Variants in ATG10 observed in about 807,000 individuals in gnomAD.
The protein encoded by ATG10 is autophagy related 10.
ATG10 carries 30 observed loss-of-function variants against 32.1 expected under a neutral mutation model. The observed-to-expected ratio is 0.94, with a 90% CI of 0.70 to 1.27. The LOEUF is 1.27. Ranked by LOEUF, ATG10 falls within the 50% of genes most tolerant of loss-of-function variation. The pLI, the probability that ATG10 is intolerant of heterozygous loss-of-function variation, is 0.00. For synonymous variants in ATG10, 87 were observed against 91.5 expected, an observed-to-expected ratio of 0.95 and a Z score of 0.28; for missense variants, 233 against 262.3, an observed-to-expected ratio of 0.89 and a Z score of 0.77.
rs573508933 is a variant in ATG10 at position 82,007,257 on chromosome 5, A to G, written c.108+19579A>G. 2.2e-3 allele frequency among the ~76,000 whole-genome samples: 340 copies of G among 152,326 alleles called. 1 individual carries two copies. The highest frequency in any genetic ancestry group is 7.9e-3 in the African/African-American group (328 of 41,580). ...TGGAGTGAATTTCTATTAGATGATG[A>G]CTTCTTGAATTACATAGCCTCGTTC... On this transcript the variant is annotated intron_variant, in intron 2 of 7. Coordinates refer to ENST00000282185, the MANE Select transcript of ATG10 (RefSeq NM_031482.5).
intron 5 of ATG10, among the ~76,000 whole-genome samples, chr5:82,198,106 A>AT (rs1443924497): frequency 1.3e-5 from 2 of 152,090 alleles, no homozygotes; most frequent in African/African-American, 2.4e-5. Flanking sequence ...TTTCCTTGAG[A>AT]TTTTCATTTA....
chr5:82,237,010 T>C (rs1326152949), intron 5 of ATG10, among the ~76,000 whole-genome samples: 2 of 152,180 alleles, frequency 1.3e-5, no homozygotes, highest in African/African-American at 4.8e-5. Context: ...TTTTTTCCCC[T>C]TTTTTAAAAC....
In ATG10 at chr5:82,058,567, G is replaced by C; in HGVS notation, c.181G>C (p.Ala61Pro). The change falls in exon 3 of 8, where the codon GCA becomes CCA. Residue 61 changes from alanine to proline, a missense_variant. Physicochemically the swap from Ala to Pro is conservative, Grantham distance 27 (BLOSUM62 -1). Transcript: ENST00000282185. ...KNGSVMSHLG[A>P]STHGQTCLPM... ...TGGGTCTGTGATGTCACATCTAGGAGCATCTACCCATGGACAGACATGTCT... is the reference window on the plus strand; with the variant it reads ...TGGGTCTGTGATGTCACATCTAGGACCATCTACCCATGGACAGACATGTCT... 6.2e-7 allele frequency: 1 copy of C among 1,612,946 alleles called. No individual in the cohort carries two copies. Among genetic ancestry groups the C allele is most frequent in the South Asian group, 1.1e-5 (1 of 91,004 alleles).
In ATG10 at chr5:82,009,788, A is replaced by C; in HGVS notation, c.108+22110A>C. The C allele has an allele frequency of 3.1e-6, 5 of 1,607,482 alleles. No individual in the cohort carries two copies. In the South Asian group the frequency reaches 4.4e-5, roughly 14 times the overall value. The stretch of plus-strand genomic sequence containing the variant: ...GGGAGCCATTTGTGTTGGGTCCAGC[A>C]TTTGCCATGGACAAGATGCCAGGAC... On this transcript the variant is annotated intron_variant, in intron 2 of 7. Coordinates refer to ENST00000282185, the MANE Select transcript of ATG10 (RefSeq NM_031482.5).
intron 3 of ATG10, among the ~76,000 whole-genome samples, chr5:82,107,201 CTG>C (rs1327786556): frequency 6.6e-6 from 1 of 152,054 alleles, no homozygotes; most frequent in African/African-American, 2.4e-5. Context: ...AAAATTAAAA[CTG>C]TTTATACATA....
At chr5:82,060,807 G>A (rs1199234731) in intron 3 of ATG10, among the ~76,000 whole-genome samples, 1 of 151,900 alleles carries the variant, frequency 6.6e-6, no homozygotes, top group African/African-American at 2.4e-5. Context: ...GTTGCAGTGA[G>A]CTGAGATTAC....
chr5:82,019,447 G>A (rs537039485), intron 2 of ATG10, among the ~76,000 whole-genome samples: 3 of 152,156 alleles, frequency 2.0e-5, no homozygotes, highest in Non-Finnish European at 4.4e-5. Flanking sequence ...TCAAGCTGAA[G>A]ACAAAAGACT....
At chr5:81,996,605 G>A (rs1283292012) in intron 2 of ATG10, among the ~76,000 whole-genome samples, 1 of 152,182 alleles carries the variant, frequency 6.6e-6, no homozygotes, top group Non-Finnish European at 1.5e-5. Context: ...TCTAGTGGTT[G>A]CTTTTCAAAG....
At chr5:82,239,819 A>G (rs1472688810) in intron 5 of ATG10, among the ~76,000 whole-genome samples, 3 of 152,182 alleles carry the variant, frequency 2.0e-5, no homozygotes, top group Non-Finnish European at 4.4e-5. Flanking sequence ...CCAATACCAA[A>G]AAAACCCCCA....
At chr5:81,986,236 A>G (rs1761266364) in intron 1 of ATG10, among the ~76,000 whole-genome samples, 1 of 152,146 alleles carries the variant, frequency 6.6e-6, no homozygotes, top group Non-Finnish European at 1.5e-5. Flanking sequence ...TTAACGTTTA[A>G]TTACAGTATA....
At chr5:82,135,141 G>A (rs773559196) in intron 3 of ATG10, among the ~76,000 whole-genome samples, 17 of 151,874 alleles carry the variant, frequency 1.1e-4, no homozygotes, top group Non-Finnish European at 1.6e-4. Context: ...CTGGCTAGCC[G>A]TCCATCTATT....
intron 3 of ATG10, among the ~76,000 whole-genome samples, chr5:82,095,796 T>C (rs895948448): frequency 1.3e-5 from 2 of 152,122 alleles, no homozygotes; most frequent in African/African-American, 2.4e-5. Flanking sequence ...TCCTCATATT[T>C]CTCTCTTTCT....
rs183178805 is a variant in ATG10 at position 82,123,572 on chromosome 5, G to A, written c.217-40827G>A. Among the ~76,000 whole-genome samples, 95 of 151,760 alleles carry A rather than the reference G, an allele frequency of 6.3e-4. 1 individual carries two copies. Among genetic ancestry groups the A allele is most frequent in the Middle Eastern group, 3.4e-3 (1 of 294 alleles). ...GATGGGTCCTTTACAAAGCTGTGAAGTTGACTAAGGCTTTTTGAAAGCTAG... is the reference window on the plus strand; with the variant it reads ...GATGGGTCCTTTACAAAGCTGTGAAATTGACTAAGGCTTTTTGAAAGCTAG... On this transcript the variant is annotated intron_variant, in intron 3 of 7. Transcript: ENST00000282185.
chr5:82,081,683 C>A (rs1346323953), intron 3 of ATG10, among the ~76,000 whole-genome samples: 1 of 152,172 alleles, frequency 6.6e-6, no homozygotes, highest in Non-Finnish European at 1.5e-5. Flanking sequence ...TATGTTGAAC[C>A]AGCCTTACAT....
chr5:82,059,658 A>C (rs2406912), intron 3 of ATG10, among the ~76,000 whole-genome samples: 4 of 152,192 alleles, frequency 2.6e-5, no homozygotes, highest in Non-Finnish European at 5.9e-5. Context: ...AAAGAGGTGA[A>C]TTTTTGTGTG....
intron 2 of ATG10, chr5:82,010,150 TTTC>T: frequency 7.2e-7 from 1 of 1,381,230 alleles, no homozygotes; most frequent in Non-Finnish European, 1.0e-6. Context: ...CTTTCTTATA[TTTC>T]TTGTCCTCAA....
At chr5:82,178,409 C>T (rs1201442679) in intron 4 of ATG10, 81 bp from the exon 5 acceptor site, 1 of 820,404 alleles carries the variant, frequency 1.2e-6, no homozygotes, top group Admixed American at 1.9e-5. Flanking sequence ...TCATGATATT[C>T]TTCCAGGAGT....
At chr5:82,227,628 G>A (rs1179419144) in intron 5 of ATG10, among the ~76,000 whole-genome samples, 1 of 151,958 alleles carries the variant, frequency 6.6e-6, no homozygotes, top group Non-Finnish European at 1.5e-5. Context: ...CGCCTGCCTC[G>A]GCCTCCCAAA....
intron 3 of ATG10, among the ~76,000 whole-genome samples, chr5:82,157,294 C>T (rs1767839475): frequency 6.6e-6 from 1 of 152,052 alleles, no homozygotes; most frequent in Non-Finnish European, 1.5e-5. Flanking sequence ...AAGGGGAGAG[C>T]CTCACTAAGA....
Sources: gnomAD v4.1 joint callset for allele counts (sites outside exome capture counted in the v4.1 genomes callset) on GRCh38, gnomAD v4.1.1 for gene constraint, MANE v1.5 for transcripts, NCBI Gene and HGNC (gene_info 2026-07-23, HGNC 2026-07-21) for gene names.